Variants in FBXL17 observed in about 807,000 individuals in gnomAD.
The protein encoded by FBXL17 is F-box/LRR-repeat protein 17.
FBXL17 carries 22 observed loss-of-function variants against 66.2 expected under a neutral mutation model. The observed-to-expected ratio is 0.33, with a 90% CI of 0.24 to 0.47. The LOEUF (loss-of-function observed/expected upper bound fraction) is 0.47. FBXL17 is among the 20% of genes least tolerant of loss of function. The pLI is 1.00. For synonymous variants in FBXL17, 474 were observed against 400.5 expected (o/e 1.18, Z -2.19); for missense variants, 878 against 948.2 (o/e 0.93, Z 0.97).
Position 107,968,161 on chromosome 5 carries a change from A to G in FBXL17, c.1822+52764T>C, listed in dbSNP as rs1752226986. Among the ~76,000 whole-genome samples the G allele has an allele frequency of 3.3e-5, 5 of 152,152 alleles. No homozygotes were observed. The South Asian group carries it at 8.3e-4, about 25-fold the overall frequency. On this transcript the variant is annotated intron_variant, in intron 7 of 8. Transcript: ENST00000542267. ...AACAGCATCAAAGAAACAGAAAACAATGCTCTCAGGTGGGTATCCTTGGAG... is the reference window on the plus strand; with the variant it reads ...AACAGCATCAAAGAAACAGAAAACAGTGCTCTCAGGTGGGTATCCTTGGAG...
intron 7 of FBXL17, among the ~76,000 whole-genome samples, chr5:107,957,297 T>C (rs1409159703): frequency 1.3e-5 from 2 of 152,102 alleles, no homozygotes; most frequent in South Asian, 2.1e-4. Context: ...CTGTTCACTA[T>C]ACTCAGCCAA....
At chr5:108,008,535 A>G (rs1754023796) in intron 7 of FBXL17, among the ~76,000 whole-genome samples, 1 of 152,196 alleles carries the variant, frequency 6.6e-6, no homozygotes, top group African/African-American at 2.4e-5. Context: ...TTGGCAGCTT[A>G]AATCTTATTT....
Position 108,083,250 on chromosome 5 carries a change from C to CACAG in FBXL17, c.1746-62250_1746-62249insCTGT, listed in dbSNP as rs369652150. ...ACACACACACACACACACACACACA[C>CACAG]AGAGAGAGAGATAGACAGATATATT... On this transcript the variant is annotated intron_variant, in intron 6 of 8. Transcript: ENST00000542267. 6.4e-3 allele frequency among the ~76,000 whole-genome samples: 933 copies of CACAG among 145,648 alleles called. 24 individuals carry two copies. In the East Asian group the frequency reaches 0.072, roughly 11 times the overall value.
chr5:108,162,158 T>A (rs993603115), intron 6 of FBXL17, among the ~76,000 whole-genome samples: 7 of 152,230 alleles, frequency 4.6e-5, no homozygotes, highest in Admixed American at 4.6e-4. Flanking sequence ...AATCCAAATG[T>A]TCTACTCACT....
At chr5:108,220,585 A>G (rs1015797311) in intron 5 of FBXL17, among the ~76,000 whole-genome samples, 3 of 152,182 alleles carry the variant, frequency 2.0e-5, no homozygotes, top group African/African-American at 7.2e-5. Context: ...CGTTTTGCTT[A>G]TATCATTATA....
chr5:107,914,476 T>C (rs951338833), intron 7 of FBXL17, among the ~76,000 whole-genome samples: 1 of 152,202 alleles, frequency 6.6e-6, no homozygotes, highest in Non-Finnish European at 1.5e-5. Flanking sequence ...CACCAAATTA[T>C]TCAATTTTCC....
intron 1 of FBXL17, among the ~76,000 whole-genome samples, chr5:108,368,606 C>G (rs991971006): frequency 5.9e-5 from 9 of 151,944 alleles, no homozygotes; most frequent in Middle Eastern, 3.4e-3. Flanking sequence ...TCAGAGGAGA[C>G]TAAGAAAGAA....
chr5:108,188,372 G>T (rs761215709), intron 5 of FBXL17, among the ~76,000 whole-genome samples: 2 of 152,218 alleles, frequency 1.3e-5, no homozygotes, highest in Non-Finnish European at 2.9e-5. Context: ...CTAAGGGCTA[G>T]GTTGTAGGCA....
chr5:108,227,930 G>T (rs1755166968), intron 4 of FBXL17, among the ~76,000 whole-genome samples: 1 of 152,092 alleles, frequency 6.6e-6, no homozygotes, highest in Non-Finnish European at 1.5e-5. Flanking sequence ...ATGGTCAGTT[G>T]GTTAAACACC....
At chr5:107,938,158 T>A (rs1001935754) in intron 7 of FBXL17, among the ~76,000 whole-genome samples, 52 of 152,090 alleles carry the variant, frequency 3.4e-4, no homozygotes, top group Admixed American at 3.3e-3. Context: ...AGCCTGCTGA[T>A]TAGACATGAA....
At chr5:108,072,153 C>T (rs997750718) in intron 6 of FBXL17, among the ~76,000 whole-genome samples, 3 of 152,058 alleles carry the variant, frequency 2.0e-5, no homozygotes, top group African/African-American at 7.2e-5. Flanking sequence ...TATGTTTATG[C>T]CAGCAACACT....
chr5:108,055,310 A>AAAAAAAAAAC, intron 6 of FBXL17, among the ~76,000 whole-genome samples: 1 of 20,530 alleles, frequency 4.9e-5, no homozygotes, highest in Non-Finnish European at 9.3e-5. Context: ...AAAAAAAAAA[A>AAAAAAAAAAC]AAAGAAAAAC....
intron 6 of FBXL17, among the ~76,000 whole-genome samples, chr5:108,111,131 C>T (rs1254803545): frequency 1.3e-5 from 2 of 151,748 alleles, no homozygotes; most frequent in African/African-American, 2.4e-5. Context: ...TGACCTATTT[C>T]GCACTAGAAT....
intron 7 of FBXL17, among the ~76,000 whole-genome samples, chr5:108,008,646 A>T (rs1253424070): frequency 6.6e-6 from 1 of 152,202 alleles, no homozygotes; most frequent in Non-Finnish European, 1.5e-5. Flanking sequence ...GATAGAAATA[A>T]TTTAAAGTTT....
chr5:108,379,754 ATAACT>A (rs887945050), intron 1 of FBXL17, among the ~76,000 whole-genome samples: 2 of 152,216 alleles, frequency 1.3e-5, no homozygotes, highest in African/African-American at 4.8e-5. Context: ...AAAGTTAATA[ATAACT>A]TAATAAAAAC....
chr5:108,291,366 A>T (rs1000011838), intron 4 of FBXL17, among the ~76,000 whole-genome samples: 1 of 152,204 alleles, frequency 6.6e-6, no homozygotes. Flanking sequence ...CCAGGTCATC[A>T]CGTGCTCTGC....
At chr5:108,086,953 G>C (rs1449581451) in intron 6 of FBXL17, among the ~76,000 whole-genome samples, 1 of 152,122 alleles carries the variant, frequency 6.6e-6, no homozygotes, top group Non-Finnish European at 1.5e-5. Flanking sequence ...TCCTGGACTG[G>C]CTGGTATGCA....
At chr5:108,164,642 A>C (rs1042372493) in intron 6 of FBXL17, among the ~76,000 whole-genome samples, 1 of 152,206 alleles carries the variant, frequency 6.6e-6, no homozygotes, top group Non-Finnish European at 1.5e-5. Flanking sequence ...TGTATTAAGT[A>C]GTTAACTATG....
intron 8 of FBXL17, chr5:107,880,564 C>T: frequency 9.8e-7 from 1 of 1,018,462 alleles, no homozygotes; most frequent in Non-Finnish European, 1.2e-6. Context: ...CTTACTGGCC[C>T]TTTGTTGGTC....
Sources: allele counts gnomAD v4.1 joint callset (sites outside exome capture counted in the v4.1 genomes callset), GRCh38; gene constraint gnomAD v4.1.1; transcripts MANE v1.5; gene names NCBI Gene and HGNC (gene_info 2026-07-23, HGNC 2026-07-21).